ZNF469: variants seen among roughly 807,000 people sequenced by gnomAD.
ZNF469 encodes the protein zinc finger protein 469.
Under a neutral mutation model 1.0 loss-of-function variants are expected in ZNF469, and 1 was observed. The observed-to-expected ratio is 1.00, with a 90% CI of 0.35 to 4.73. ZNF469 has a LOEUF of 4.73. Ranked by LOEUF, ZNF469 falls within the 30% of genes most tolerant of loss-of-function variation. ZNF469 has a pLI of 0.16. For synonymous variants in ZNF469, 2,703 were observed against 2,363.4 expected (o/e 1.14, Z -4.17); for missense variants, 6,100 against 5,356.3 (o/e 1.14, Z -4.33).
Position 88,414,638 on chromosome 16 carries a change from G to A in ZNF469, c.-191-10169G>A, listed in dbSNP as rs977660622. On this transcript the variant is annotated intron_variant, in intron 1 of 2. Transcript: ENST00000565624. ...GGCCCTGTGGCCTCAGGTTGGCACC[G>A]TAGAGGCCTCCTCTGTCCTGGCTGT... Among the ~76,000 whole-genome samples, 7 of 152,372 alleles carry A rather than the reference G, an allele frequency of 4.6e-5. No homozygotes were observed. The East Asian group carries it at 7.7e-4, about 17-fold the overall frequency.
At chr16:88,359,779 A>G in the ZNF469 span, among the ~76,000 whole-genome samples, 1 of 152,226 alleles carries the variant, frequency 6.6e-6, no homozygotes, top group African/African-American at 2.4e-5. Context: ...TGAAAATCAA[A>G]TATCTAGAAA....
At chr16:88,242,601 T>C in the ZNF469 span, among the ~76,000 whole-genome samples, 1 of 152,246 alleles carries the variant, frequency 6.6e-6, no homozygotes, top group Non-Finnish European at 1.5e-5. Context: ...CTTCTACATG[T>C]GCACTTTGGG....
chr16:88,401,483 ATG>A (rs1904853266), intron 1 of ZNF469, among the ~76,000 whole-genome samples: 1 of 151,502 alleles, frequency 6.6e-6, no homozygotes, highest in East Asian at 1.9e-4. Context: ...GGATGGATGG[ATG>A]GATGGATGCT....
the ZNF469 span, among the ~76,000 whole-genome samples, chr16:88,207,727 C>T: frequency 2.1e-5 from 3 of 146,296 alleles, no homozygotes; most frequent in South Asian, 2.2e-4. Flanking sequence ...GGCTTGTGGC[C>T]GCATCGCTCC....
the ZNF469 span, among the ~76,000 whole-genome samples, chr16:88,327,328 GGCCTC>G: frequency 6.6e-6 from 1 of 152,164 alleles, no homozygotes. Context: ...TGGTCCTCCC[GGCCTC>G]GCCTCTCCTT....
chr16:88,208,780 C>CAT, the ZNF469 span, among the ~76,000 whole-genome samples: 1 of 30,422 alleles, frequency 3.3e-5, no homozygotes, highest in Non-Finnish European at 1.1e-4. Context: ...CGTGCGCGCG[C>CAT]ACACACACAC....
At chr16:88,403,185 G>A (rs191482339) in intron 1 of ZNF469, among the ~76,000 whole-genome samples, 1 of 152,342 alleles carries the variant, frequency 6.6e-6, no homozygotes, top group Non-Finnish European at 1.5e-5. Flanking sequence ...GGATGCTTCT[G>A]TCCGTCCGTT....
At chr16:88,173,160 AG>A in the ZNF469 span, among the ~76,000 whole-genome samples, 2 of 152,244 alleles carry the variant, frequency 1.3e-5, no homozygotes, top group Middle Eastern at 3.2e-3. Flanking sequence ...AGCCACATCA[AG>A]GCATGTTATA....
At chr16:88,138,505 G>C in the ZNF469 span, among the ~76,000 whole-genome samples, 867 of 152,330 alleles carry the variant, frequency 5.7e-3, 4 homozygotes, top group African/African-American at 0.02. Flanking sequence ...TGATTGAATA[G>C]TAGAAAAGTC....
the ZNF469 span, among the ~76,000 whole-genome samples, chr16:88,198,588 G>C: frequency 6.6e-6 from 1 of 152,198 alleles, no homozygotes; most frequent in Non-Finnish European, 1.5e-5. Context: ...CCCATGGCTA[G>C]CAGTGACAGG....
chr16:88,281,958 G>T, the ZNF469 span, among the ~76,000 whole-genome samples: 2 of 152,222 alleles, frequency 1.3e-5, no homozygotes, highest in Non-Finnish European at 2.9e-5. Context: ...ACTGCGAGAT[G>T]TTGAGCACGA....
chr16:88,155,097 C>T, the ZNF469 span, among the ~76,000 whole-genome samples: 16 of 152,232 alleles, frequency 1.1e-4, no homozygotes, highest in South Asian at 1.0e-3. Flanking sequence ...GTTCACAGAC[C>T]GCATTCCATG....
At chr16:88,168,125 CG>C in the ZNF469 span, among the ~76,000 whole-genome samples, 1 of 152,192 alleles carries the variant, frequency 6.6e-6, no homozygotes, top group Non-Finnish European at 1.5e-5. The surrounding 1 kb of genome is among the most constrained non-coding windows in gnomAD (Gnocchi z 4.3). Flanking sequence ...TAATTGGCAC[CG>C]GGGTAGCCTT....
Position 88,428,284 on chromosome 16 carries a change from T to G in ZNF469, c.814T>G (p.Ser272Ala). 6.5e-7 allele frequency: 1 copy of G among 1,550,366 alleles called. No homozygotes were observed. Among genetic ancestry groups the G allele is most frequent in the Non-Finnish European group, 8.7e-7 (1 of 1,146,932 alleles). ...SRPGGSPRGV[S>A]FQFPFPALHG... ...GCCCGGCGGCAGCCCCAGGGGAGTT[T>G]CCTTCCAGTTCCCCTTCCCGGCACT... is the stretch of plus-strand genomic sequence containing the variant. Residue 272 changes from serine (S) to alanine (A), a missense_variant, in exon 3 of 3, where the codon TCC becomes GCC. Physicochemically the swap from Ser to Ala is moderately conservative, Grantham distance 99 (BLOSUM62 1). Coordinates refer to ENST00000565624, the MANE Select transcript of ZNF469 (RefSeq NM_001367624.2).
the ZNF469 span, among the ~76,000 whole-genome samples, chr16:88,371,209 G>C: frequency 6.6e-6 from 1 of 152,272 alleles, no homozygotes; most frequent in African/African-American, 2.4e-5. Context: ...AGCCTCCTCA[G>C]TCTGAGAAAC....
At chr16:88,296,486 T>C in the ZNF469 span, among the ~76,000 whole-genome samples, 2 of 138,654 alleles carry the variant, frequency 1.4e-5, no homozygotes, top group African/African-American at 5.6e-5. Flanking sequence ...CAAACACACA[T>C]ATGTGCACAC....
the ZNF469 span, among the ~76,000 whole-genome samples, chr16:88,189,964 G>A: frequency 3.3e-5 from 5 of 152,110 alleles, no homozygotes; most frequent in Admixed American, 6.5e-5. The surrounding 1 kb of genome is among the most constrained non-coding windows in gnomAD (Gnocchi z 4.3). Context: ...CCAACCAGGA[G>A]GCAACCAGAC....
the ZNF469 span, among the ~76,000 whole-genome samples, chr16:88,202,970 T>G: frequency 6.6e-6 from 1 of 152,116 alleles, no homozygotes; most frequent in East Asian, 1.9e-4. Flanking sequence ...ACAGTCTCTG[T>G]GCAGTGCAGG....
At chr16:88,137,814 A>G in the ZNF469 span, among the ~76,000 whole-genome samples, 1 of 152,244 alleles carries the variant, frequency 6.6e-6, no homozygotes, top group Non-Finnish European at 1.5e-5. Flanking sequence ...AGGCATGGTC[A>G]AGGCTCAGGG....
Sources: allele counts gnomAD v4.1 joint callset (sites outside exome capture counted in the v4.1 genomes callset), GRCh38; gene constraint gnomAD v4.1.1; non-coding constraint Gnocchi (gnomAD v3.1); transcripts MANE v1.5; gene names NCBI Gene and HGNC (gene_info 2026-07-23, HGNC 2026-07-21).